OR10AD1: variants seen among roughly 807,000 people sequenced by gnomAD.
The protein encoded by OR10AD1 is olfactory receptor family 10 subfamily AD member 1, also known as olfactory receptor 10AD1.
For missense variants in OR10AD1, 309 were observed against 192.7 expected, an observed-to-expected ratio of 1.60 and a Z score of -3.57; for synonymous variants, 115 against 72.2, an observed-to-expected ratio of 1.59 and a Z score of -3.00.
chr12:48,202,523 A>C lies in OR10AD1; in HGVS notation c.770T>G (p.Met257Arg). The C allele has an allele frequency of 1.3e-6, 1 of 781,082 alleles. No homozygotes were observed. The highest frequency in any genetic ancestry group is 2.4e-6 in the Non-Finnish European group (1 of 418,126). 48.4% of individuals were successfully genotyped at this position (781,082 alleles called of 1,614,324 possible). The part of the protein sequence containing the change: ...TVVIFLYTSA[M>R]FSYMNPHSTH... ...GCTGTGGGGGTTCATGTAAGAGAAC[A>C]TAGCTGAAGTGTAGAGAAAGATGAC... Residue 257 changes from methionine (M) to arginine (R), a missense_variant, in exon 1 of 1, where the codon ATG becomes AGG. Physicochemically the swap from Met to Arg is moderately conservative, Grantham distance 91. Transcript: ENST00000310248.
Position 48,202,874 on chromosome 12 carries a change from T to C in OR10AD1, c.419A>G (p.Lys140Arg). 1.3e-6 allele frequency: 1 copy of C among 781,052 alleles called. No homozygotes were observed. The allele number at this position is 781,052 out of a possible 1,614,324, so 48.4% of individuals were successfully genotyped here. A position where few individuals can be genotyped will look rare whatever the true frequency, so the allele number is the denominator to read the frequency against. Residue 140 changes from lysine to arginine, a missense_variant, in exon 1 of 1, where the codon AAG becomes AGG. By Grantham distance (26) the Lys-to-Arg change is conservative. Coordinates refer to ENST00000310248, the MANE Select transcript of OR10AD1 (RefSeq NM_001004134.1). ...AGTTCCCACAAGCCTGACACAGACCTTCTGGCTTATGATCGGGACATAGTT... is the reference window on the plus strand; with the variant it reads ...AGTTCCCACAAGCCTGACACAGACCCTCTGGCTTATGATCGGGACATAGTT... ...PLNYVPIISQ[K>R]VCVRLVGTAW...
rs1276542998 is a variant in OR10AD1, at chr12:48,202,835, C to T, written c.458G>A (p.Gly153Glu). 3.8e-6 allele frequency: 3 copies of T among 780,848 alleles called. No homozygotes were observed. Among genetic ancestry groups the T allele is most frequent in the East Asian group, 4.8e-5 (2 of 41,262 alleles). 48.4% of individuals were successfully genotyped at this position (780,848 alleles called of 1,614,324 possible). The change falls in exon 1 of 1, where the codon GGG (glycine) becomes GAG (glutamate). Residue 153 changes from glycine to glutamate, a missense_variant. Physicochemically the swap from Gly to Glu is moderately conservative, Grantham distance 98. Transcript: ENST00000310248. Reference sequence around the variant, plus strand: ...CTCGAGAAAGATGCCATTGATCAGCCCAAAGAACCAGGCAGTTCCCACAAG... The same window carrying T: ...CTCGAGAAAGATGCCATTGATCAGCTCAAAGAACCAGGCAGTTCCCACAAG... ...VRLVGTAWFF[G>E]LINGIFLEYI...
rs770763024 is a variant in OR10AD1, at chr12:48,202,342, G to A, written c.951C>T (p.Val317=). ...GRTRLAQPQS[V] The stretch of plus-strand genomic sequence containing the variant: ...CTTTCCTTTCAGGGCCTTCCTGCTA[G>A]ACAGACTGTGGCTGGGCCAGCCTGG... The change falls in exon 1 of 1, where the codon GTC becomes GTT. Residue 317 remains valine, a synonymous_variant. Coordinates refer to ENST00000310248, the MANE Select transcript of OR10AD1 (RefSeq NM_001004134.1). 3.9e-6 allele frequency: 3 copies of A among 761,812 alleles called. No individual in the cohort carries two copies. The East Asian group carries it at 7.3e-5, about 18-fold the overall frequency. 47.2% of individuals were successfully genotyped at this position (761,812 alleles called of 1,614,324 possible). A position where few individuals can be genotyped will look rare whatever the true frequency, so the allele number is the denominator to read the frequency against.
rs1431137871 is a variant in OR10AD1 at position 48,202,967 on chromosome 12, C to T, written c.326G>A (p.Gly109Asp). ...MTQMYFVFCVGVAECILLAFM... is the reference protein window; with the variant it reads ...MTQMYFVFCVDVAECILLAFM... Reference sequence around the variant, plus strand: ...AGCCAAGAGGATGCACTCGGCCACACCAACACAGAAGACAAAGTACATCTG... The same window carrying T: ...AGCCAAGAGGATGCACTCGGCCACATCAACACAGAAGACAAAGTACATCTG... The change falls in exon 1 of 1, where the codon GGT (glycine) becomes GAT (aspartate). Residue 109 changes from glycine (G) to aspartate (D), a missense_variant. Physicochemically the swap from Gly to Asp is moderately conservative, Grantham distance 94 (BLOSUM62 -1). Coordinates refer to ENST00000310248, the MANE Select transcript of OR10AD1 (RefSeq NM_001004134.1). 4 of 780,914 alleles carry T rather than the reference C, an allele frequency of 5.1e-6. No homozygotes were observed. The highest frequency in any genetic ancestry group is 3.4e-5 in the Admixed American group (2 of 59,010). The allele number at this position is 780,914 out of a possible 1,614,324, so 48.4% of individuals were successfully genotyped here. A position where few individuals can be genotyped will look rare whatever the true frequency, so the allele number is the denominator to read the frequency against.
In OR10AD1 at chr12:48,203,270, A is replaced by G. The variant is rs17122812; in HGVS notation, c.23T>C (p.Val8Ala). Reference protein sequence around the residue: MLRNGSIVTEFILVGFQQ... With the variant: MLRNGSIATEFILVGFQQ... ...AAAGCCCACGAGGATAAATTCCGTCACTATGCTGCCATTCCTTAGCATCTG... is the reference window on the plus strand; with the variant it reads ...AAAGCCCACGAGGATAAATTCCGTCGCTATGCTGCCATTCCTTAGCATCTG... Residue 8 changes from valine (V) to alanine (A), a missense_variant, in exon 1 of 1, where the codon GTG becomes GCG. Coordinates refer to ENST00000310248, the MANE Select transcript of OR10AD1 (RefSeq NM_001004134.1). 137,260 of 780,446 alleles carry G rather than the reference A, an allele frequency of 0.18. 13,173 individuals are homozygous for G. The highest frequency in any genetic ancestry group is 0.23 in the East Asian group (9,367 of 41,236). The allele number at this position is 780,446 out of a possible 1,614,324, so 48.3% of individuals were successfully genotyped here. A position where few individuals can be genotyped will look rare whatever the true frequency, so the allele number is the denominator to read the frequency against.
At position 48,202,472 on chromosome 12, in the gene OR10AD1, G is replaced by A. The variant is rs754242180; in HGVS notation, c.821C>T (p.Pro274Leu). Residue 274 changes from proline (P) to leucine (L), a missense_variant, in exon 1 of 1, where the codon CCT becomes CTT. Coordinates refer to ENST00000310248, the MANE Select transcript of OR10AD1 (RefSeq NM_001004134.1). Reference sequence around the variant, plus strand: ...AATGATGGTGTACAGGAGGGAGAAAGGTTTGTCTTTGTCAGGCCCATGTGT... The same window carrying A: ...AATGATGGTGTACAGGAGGGAGAAAAGTTTGTCTTTGTCAGGCCCATGTGT... Reference protein sequence around the residue: ...HSTHGPDKDKPFSLLYTIITP... With the variant: ...HSTHGPDKDKLFSLLYTIITP... 1.0e-5 allele frequency: 8 copies of A among 781,076 alleles called. No individual in the cohort carries two copies. The highest frequency in any genetic ancestry group is 1.9e-5 in the Non-Finnish European group (8 of 418,118). 48.4% of individuals were successfully genotyped at this position (781,076 alleles called of 1,614,324 possible).
rs144082835 is a variant in OR10AD1 at position 48,202,978 on chromosome 12, G to A, written c.315C>T (p.Val105=). 3 of 781,066 alleles carry A rather than the reference G, an allele frequency of 3.8e-6. No homozygotes were observed. The highest frequency in any genetic ancestry group is 4.8e-6 in the Non-Finnish European group (2 of 418,136). The allele number at this position is 781,066 out of a possible 1,614,324, so 48.4% of individuals were successfully genotyped here. A position where few individuals can be genotyped will look rare whatever the true frequency, so the allele number is the denominator to read the frequency against. Residue 105 remains valine (V), a synonymous_variant, in exon 1 of 1, where the codon GTC becomes GTT. Coordinates refer to ENST00000310248, the MANE Select transcript of OR10AD1 (RefSeq NM_001004134.1). ...TGCACTCGGCCACACCAACACAGAAGACAAAGTACATCTGGGTCATGCAAC... is the reference window on the plus strand; with the variant it reads ...TGCACTCGGCCACACCAACACAGAAAACAAAGTACATCTGGGTCATGCAAC... The part of the protein sequence containing the change: ...FVCCMTQMYF[V]FCVGVAECIL...
chr12:48,202,647 C>T lies in OR10AD1; in HGVS notation c.646G>A (p.Val216Ile), dbSNP rs1195918374. The T allele has an allele frequency of 1.3e-6, 1 of 780,898 alleles. No individual in the cohort carries two copies. Among genetic ancestry groups the T allele is most frequent in the African/African-American group, 1.7e-5 (1 of 59,088 alleles). 48.4% of individuals were successfully genotyped at this position (780,898 alleles called of 1,614,324 possible). A position where few individuals can be genotyped will look rare whatever the true frequency, so the allele number is the denominator to read the frequency against. The change falls in exon 1 of 1, where the codon GTC becomes ATC. Residue 216 changes from valine to isoleucine, a missense_variant. Val to Ile is a conservative substitution (Grantham distance 29). Coordinates refer to ENST00000310248, the MANE Select transcript of OR10AD1 (RefSeq NM_001004134.1). ...VVILSPMVLT[V>I]TSYVHILATI... is the part of the protein sequence containing the mutation. ...GCCAGGATGTGCACATAGGAAGTGACAGTGAGCACCATGGGGCTGAGAATT... is the reference window on the plus strand; with the variant it reads ...GCCAGGATGTGCACATAGGAAGTGATAGTGAGCACCATGGGGCTGAGAATT...
chr12:48,202,519 G>A lies in OR10AD1; in HGVS notation c.774C>T (p.Phe258=), dbSNP rs769753752. The change falls in exon 1 of 1, where the codon TTC becomes TTT. Residue 258 remains phenylalanine (F), a synonymous_variant. Transcript: ENST00000310248. ...GTGTGCTGTGGGGGTTCATGTAAGA[G>A]AACATAGCTGAAGTGTAGAGAAAGA... The part of the protein sequence containing the change: ...VVIFLYTSAM[F]SYMNPHSTHG... The A allele has an allele frequency of 1.3e-6, 1 of 780,898 alleles. No homozygotes were observed. Among genetic ancestry groups the A allele is most frequent in the African/African-American group, 1.7e-5 (1 of 59,136 alleles). The allele number at this position is 780,898 out of a possible 1,614,324, so 48.4% of individuals were successfully genotyped here.
rs1253518458 is a variant in OR10AD1 at position 48,202,542 on chromosome 12, A to G, written c.751T>C (p.Phe251Leu). ...TCASHLTVVI[F>L]LYTSAMFSYM... Reference sequence around the variant, plus strand: ...GAGAACATAGCTGAAGTGTAGAGAAAGATGACCACAGTCAGGTGAGAGGCA... The same window carrying G: ...GAGAACATAGCTGAAGTGTAGAGAAGGATGACCACAGTCAGGTGAGAGGCA... The change falls in exon 1 of 1, where the codon TTT (phenylalanine) becomes CTT (leucine). Residue 251 changes from phenylalanine (F) to leucine (L), a missense_variant. Coordinates refer to ENST00000310248, the MANE Select transcript of OR10AD1 (RefSeq NM_001004134.1). The G allele has an allele frequency of 5.1e-6, 4 of 781,058 alleles. No homozygotes were observed. The highest frequency in any genetic ancestry group is 7.2e-6 in the Non-Finnish European group (3 of 418,118). The allele number at this position is 781,058 out of a possible 1,614,324, so 48.4% of individuals were successfully genotyped here. A position where few individuals can be genotyped will look rare whatever the true frequency, so the allele number is the denominator to read the frequency against.
Position 48,203,100 on chromosome 12 carries a change from C to T in OR10AD1, c.193G>A (p.Gly65Ser), listed in dbSNP as rs752051541. 12 of 780,672 alleles carry T rather than the reference C, an allele frequency of 1.5e-5. No homozygotes were observed. Among genetic ancestry groups the T allele is most frequent in the Admixed American group, 3.4e-5 (2 of 58,976 alleles). 48.4% of individuals were successfully genotyped at this position (780,672 alleles called of 1,614,324 possible). Reference protein sequence around the residue: ...KLNSPMYFFLGHLSLLDVCFI... With the variant: ...KLNSPMYFFLSHLSLLDVCFI... ...CAGACATCCAGGAGAGACAGATGGC[C>T]GAGGAAGAAGTACATGGGGCTGTTG... The change falls in exon 1 of 1, where the codon GGC becomes AGC. Residue 65 changes from glycine to serine, a missense_variant. Coordinates refer to ENST00000310248, the MANE Select transcript of OR10AD1 (RefSeq NM_001004134.1).
Sources: gnomAD v4.1 joint callset for allele counts on GRCh38, gnomAD v4.1.1 for gene constraint, MANE v1.5 for transcripts, NCBI Gene and HGNC (gene_info 2026-07-23, HGNC 2026-07-21) for gene names.